Variants in DNAI7 observed in about 807,000 individuals in gnomAD.
The protein encoded by DNAI7 is cancer susceptibility 1.
DNAI7 carries 78 observed loss-of-function variants against 86.6 expected under a neutral mutation model. The observed-to-expected ratio is 0.90, with a 90% CI of 0.75 to 1.09. The LOEUF (loss-of-function observed/expected upper bound fraction) is 1.09, where lower values mean the gene tolerates loss of function less well. Ranked by LOEUF, DNAI7 falls within the 50% of genes least tolerant of loss-of-function variation. DNAI7 has a pLI of 0.00. For missense variants in DNAI7, 753 were observed against 810.2 expected, an observed-to-expected ratio of 0.93 and a Z score of 0.86; for synonymous variants, 274 against 273.0, an observed-to-expected ratio of 1.00 and a Z score of -0.04.
At chr12:25,110,522 G>C (rs1303390526) in intron 14 of DNAI7, among the ~76,000 whole-genome samples, 1 of 152,068 alleles carries the variant, frequency 6.6e-6, no homozygotes, top group African/African-American at 2.4e-5. Context: ...TGCTCTCTCA[G>C]TTCCAGGCCC....
intron 9 of DNAI7, among the ~76,000 whole-genome samples, chr12:25,135,787 C>T (rs1382631672): frequency 1.3e-5 from 2 of 151,892 alleles, no homozygotes; most frequent in Non-Finnish European, 2.9e-5. Flanking sequence ...CATAATCCCC[C>T]TGGGAGCATA....
chr12:25,144,319 G>T lies in DNAI7; in HGVS notation c.1002+46C>A, dbSNP rs1475077616. 7 of 1,449,382 alleles carry T rather than the reference G, an allele frequency of 4.8e-6. No individual in the cohort carries two copies. In the East Asian group the frequency reaches 1.1e-4, roughly 24 times the overall value. 89.8% of individuals were successfully genotyped at this position (1,449,382 alleles called of 1,614,324 possible). ...GAACACTTTAAGGGAATCTAATAAC[G>T]CATGCTGCATGAATAAAAAAATGTG... On this transcript the variant is annotated intron_variant, in intron 9 of 15. Coordinates refer to ENST00000395987, the MANE Select transcript of DNAI7 (RefSeq NM_018272.5).
chr12:25,179,428 TTATTC>T (rs1435917675), intron 2 of DNAI7, among the ~76,000 whole-genome samples: 3 of 152,310 alleles, frequency 2.0e-5, no homozygotes, highest in South Asian at 2.1e-4. Flanking sequence ...TTTTTAAACA[TTATTC>T]TATTAATTAT....
chr12:25,118,616 C>A (rs1940674597), intron 12 of DNAI7, among the ~76,000 whole-genome samples: 1 of 151,936 alleles, frequency 6.6e-6, no homozygotes, highest in African/African-American at 2.4e-5. Context: ...GGATGGAGTG[C>A]AGTGGCACCA....
At chr12:25,169,198 T>C (rs1947846990) in intron 2 of DNAI7, among the ~76,000 whole-genome samples, 1 of 152,148 alleles carries the variant, frequency 6.6e-6, no homozygotes, top group Non-Finnish European at 1.5e-5. Context: ...ACTGATGACA[T>C]TCCACCACAA....
chr12:25,186,937 T>G (rs11836162), intron 2 of DNAI7, among the ~76,000 whole-genome samples: 31,833 of 152,170 alleles, frequency 0.21, 5,510 homozygotes, highest in African/African-American at 0.48. Flanking sequence ...TGAAGACTTC[T>G]AACCTACACT....
chr12:25,182,939 A>AAGGAAGGG (rs142570982), intron 2 of DNAI7, among the ~76,000 whole-genome samples: 71 of 149,482 alleles, frequency 4.7e-4, no homozygotes, highest in East Asian at 1.8e-3. Flanking sequence ...AAAGGAATGA[A>AAGGAAGGG]AGGAAGGGAG....
At chr12:25,187,980 A>G (rs1231167375) in intron 2 of DNAI7, among the ~76,000 whole-genome samples, 1 of 152,164 alleles carries the variant, frequency 6.6e-6, no homozygotes, top group Non-Finnish European at 1.5e-5. Context: ...AATTTAAACC[A>G]CAAGCCGGTT....
At chr12:25,163,545 C>T in intron 2 of DNAI7, among the ~76,000 whole-genome samples, 1 of 152,124 alleles carries the variant, frequency 6.6e-6, no homozygotes, top group Non-Finnish European at 1.5e-5. Flanking sequence ...CGGACTCAGC[C>T]CACCTGCACC....
chr12:25,173,934 A>AATCATATATACAGAATATATAT (rs1555180965), intron 2 of DNAI7, among the ~76,000 whole-genome samples: 2 of 143,192 alleles, frequency 1.4e-5, no homozygotes, highest in Admixed American at 7.2e-5. Context: ...TATCATATAT[A>AATCATATATACAGAATATATAT]ATCATATATA....
chr12:25,160,442 ACTAACTCATTCTGATCACCTGCTCCACC>A (rs1414165208), intron 3 of DNAI7, among the ~76,000 whole-genome samples: 1 of 152,166 alleles, frequency 6.6e-6, no homozygotes, highest in African/African-American at 2.4e-5. Context: ...CCTACTCCAC[ACTAACTCATTCTGATCACCTGCTCCACC>A]CTAACTCATT....
intron 2 of DNAI7, among the ~76,000 whole-genome samples, chr12:25,168,056 C>T (rs763734730): frequency 2.6e-5 from 4 of 152,142 alleles, no homozygotes; most frequent in African/African-American, 9.7e-5. Context: ...CCATGAAAAT[C>T]GAACCTCCCC....
At chr12:25,158,005 G>A (rs1256245498) in intron 4 of DNAI7, among the ~76,000 whole-genome samples, 2 of 152,024 alleles carry the variant, frequency 1.3e-5, no homozygotes, top group Non-Finnish European at 1.5e-5. Context: ...TGAGGGGGGC[G>A]GATCACAAGG....
chr12:25,181,477 G>A (rs1400187026), intron 2 of DNAI7, among the ~76,000 whole-genome samples: 2 of 152,012 alleles, frequency 1.3e-5, no homozygotes, highest in African/African-American at 4.8e-5. Flanking sequence ...CTGGGCATTG[G>A]CCTAGGCAAA....
At chr12:25,187,862 T>C (rs1201051523) in intron 2 of DNAI7, among the ~76,000 whole-genome samples, 1 of 150,498 alleles carries the variant, frequency 6.6e-6, no homozygotes, top group Non-Finnish European at 1.5e-5. Context: ...AAACTGGATA[T>C]AGGGAAAGAC....
rs941537208 is a variant in DNAI7 at position 25,148,711 on chromosome 12, T to G, written c.585+917A>C. ...TTTTATTTATTCAATTTGTTATAAT[T>G]GATTATAATCATTATTCTGATATTC... is the stretch of plus-strand genomic sequence containing the variant. On this transcript the variant is annotated intron_variant, in intron 7 of 15. Coordinates refer to ENST00000395987, the MANE Select transcript of DNAI7 (RefSeq NM_018272.5). Among the ~76,000 whole-genome samples the G allele has an allele frequency of 3.3e-5, 5 of 152,212 alleles. 1 individual carries two copies. The highest frequency in any genetic ancestry group is 3.3e-4 in the Admixed American group (5 of 15,290).
At chr12:25,180,648 T>G (rs560309603) in intron 2 of DNAI7, among the ~76,000 whole-genome samples, 4 of 152,104 alleles carry the variant, frequency 2.6e-5, no homozygotes, top group Non-Finnish European at 5.9e-5. Context: ...CCAACTGATC[T>G]TCAACAAAGT....
rs558657033 is a variant in DNAI7 at position 25,130,506 on chromosome 12, C to T, written c.1003-7220G>A. ...GAGCCGAGATAGCGCCACTGCACTC[C>T]GGCCTGGGCGAAAGAGCGAGACTCC... On this transcript the variant is annotated intron_variant, in intron 9 of 15. Coordinates refer to ENST00000395987, the MANE Select transcript of DNAI7 (RefSeq NM_018272.5). 7.4e-4 allele frequency among the ~76,000 whole-genome samples: 111 copies of T among 150,404 alleles called. No homozygotes were observed. In the East Asian group the frequency reaches 0.013, roughly 18 times the overall value.
intron 2 of DNAI7, among the ~76,000 whole-genome samples, chr12:25,178,652 T>C (rs1037511121): frequency 6.6e-6 from 1 of 152,098 alleles, no homozygotes; most frequent in Non-Finnish European, 1.5e-5. Flanking sequence ...TATACTAAAA[T>C]TTAAAATAAA....
Sources: allele counts gnomAD v4.1 joint callset (sites outside exome capture counted in the v4.1 genomes callset), GRCh38; gene constraint gnomAD v4.1.1; transcripts MANE v1.5; gene names NCBI Gene and HGNC (gene_info 2026-07-23, HGNC 2026-07-21).